Variants in SPAG16 observed in about 807,000 individuals in gnomAD.
SPAG16 encodes the protein sperm associated antigen 16.
A neutral mutation model predicts 80.4 loss-of-function variants in SPAG16; 86 were observed. That is an observed-to-expected ratio of 1.07 (90% CI 0.90 to 1.28). The LOEUF (loss-of-function observed/expected upper bound fraction) is 1.28. SPAG16 is among the 50% of genes most tolerant of loss of function. SPAG16 has a pLI of 0.00. For missense variants in SPAG16, 870 were observed against 765.3 expected (o/e 1.14, Z -1.61); for synonymous variants, 294 against 265.9 (o/e 1.11, Z -1.03).
intron 13 of SPAG16, among the ~76,000 whole-genome samples, chr2:214,026,926 C>G (rs1032204414): frequency 5.9e-5 from 9 of 151,530 alleles, no homozygotes; most frequent in African/African-American, 1.9e-4. Flanking sequence ...CAGCCTTTCC[C>G]CATTTTGACT....
intron 10 of SPAG16, among the ~76,000 whole-genome samples, chr2:213,490,933 T>C (rs1432038231): frequency 6.6e-6 from 1 of 152,188 alleles, no homozygotes; most frequent in Admixed American, 6.5e-5. Flanking sequence ...CTTTAACACA[T>C]ATATTTTACC....
intron 13 of SPAG16, among the ~76,000 whole-genome samples, chr2:214,085,378 CA>C (rs5838406): frequency 0.2 from 23,700 of 119,820 alleles, 1,771 homozygotes; most frequent in Middle Eastern, 0.24. Flanking sequence ...GATTCCACCT[CA>C]AAAAAAAAAA....
intron 10 of SPAG16, among the ~76,000 whole-genome samples, chr2:213,623,613 C>A (rs1024686358): frequency 6.6e-6 from 1 of 151,944 alleles, no homozygotes; most frequent in African/African-American, 2.4e-5. Flanking sequence ...ATTTGAAATA[C>A]CTTGATAAAT....
intron 15 of SPAG16, among the ~76,000 whole-genome samples, chr2:214,256,079 G>A (rs575625194): frequency 6.6e-6 from 1 of 151,972 alleles, no homozygotes; most frequent in East Asian, 1.9e-4. Flanking sequence ...GTAATTTGTA[G>A]AAGTTTCAGT....
intron 15 of SPAG16, among the ~76,000 whole-genome samples, chr2:214,161,004 A>C (rs1435524832): frequency 2.0e-5 from 3 of 152,038 alleles, no homozygotes; most frequent in African/African-American, 7.2e-5. Flanking sequence ...TATTTAGATT[A>C]TATTGAGTCA....
rs565221731 is a variant in SPAG16 at position 213,896,465 on chromosome 2, A to G, written c.1215-33495A>G. On this transcript the variant is annotated intron_variant, in intron 11 of 15. Coordinates refer to ENST00000331683, the MANE Select transcript of SPAG16 (RefSeq NM_024532.5). ...GTATATAATCAAAAGAAAGGAAATC[A>G]GTATATCGAAGAGACATTACACTCT... 2.0e-5 allele frequency among the ~76,000 whole-genome samples: 3 copies of G among 152,034 alleles called. No homozygotes were observed. The East Asian group carries it at 5.8e-4, about 29-fold the overall frequency.
intron 15 of SPAG16, among the ~76,000 whole-genome samples, chr2:214,233,361 T>A (rs1043583886): frequency 6.6e-6 from 1 of 151,594 alleles, no homozygotes; most frequent in African/African-American, 2.4e-5. Flanking sequence ...ATGATGATGA[T>A]GATGATGATG....
chr2:214,270,253 C>A (rs560981600), intron 15 of SPAG16, among the ~76,000 whole-genome samples: 3 of 152,158 alleles, frequency 2.0e-5, no homozygotes, highest in Non-Finnish European at 2.9e-5. Context: ...TCTTAACCAT[C>A]CTGTTAATTT....
chr2:213,421,151 C>T (rs757828854), intron 9 of SPAG16, among the ~76,000 whole-genome samples: 12 of 152,158 alleles, frequency 7.9e-5, no homozygotes, highest in African/African-American at 2.7e-4. Context: ...CATATACTCT[C>T]GGGGTCCCAG....
intron 7 of SPAG16, among the ~76,000 whole-genome samples, chr2:213,355,279 G>C (rs2065573921): frequency 6.6e-6 from 1 of 152,214 alleles, no homozygotes. Context: ...TTGTAGTATA[G>C]TTTGAAGTCA....
chr2:214,086,248 A>G (rs964289910), intron 13 of SPAG16, among the ~76,000 whole-genome samples: 5 of 152,216 alleles, frequency 3.3e-5, no homozygotes, highest in African/African-American at 1.2e-4. Flanking sequence ...GTTGTTACCA[A>G]TTCCAGAGGT....
chr2:214,355,737 G>A (rs75176718), intron 15 of SPAG16, among the ~76,000 whole-genome samples: 103,339 of 151,562 alleles, frequency 0.68, 39,900 homozygotes, highest in South Asian at 0.87. Context: ...TGTTTATTGC[G>A]GCACTATTCA....
At chr2:213,624,807 T>C (rs2125063350) in intron 10 of SPAG16, among the ~76,000 whole-genome samples, 2 of 152,296 alleles carry the variant, frequency 1.3e-5, no homozygotes, top group Middle Eastern at 6.8e-3. Flanking sequence ...TTTGTTTTTT[T>C]TGAGATGGAG....
chr2:213,991,425 T>A (rs1553689313), intron 12 of SPAG16, among the ~76,000 whole-genome samples: 7 of 152,198 alleles, frequency 4.6e-5, no homozygotes. Context: ...GGGTTGGTTC[T>A]AAGTCTTTGC....
At chr2:213,884,839 G>A (rs960114819) in intron 11 of SPAG16, among the ~76,000 whole-genome samples, 1 of 152,164 alleles carries the variant, frequency 6.6e-6, no homozygotes, top group African/African-American at 2.4e-5. Flanking sequence ...AGCTTTAGAA[G>A]TTCAGTTTGG....
At chr2:213,458,313 G>A (rs1290865159) in intron 9 of SPAG16, among the ~76,000 whole-genome samples, 1 of 151,916 alleles carries the variant, frequency 6.6e-6, no homozygotes, top group Non-Finnish European at 1.5e-5. Context: ...CATGCCTGTA[G>A]TCACAGGACT....
chr2:214,111,892 A>G (rs186697654), intron 14 of SPAG16, among the ~76,000 whole-genome samples: 1 of 152,232 alleles, frequency 6.6e-6, no homozygotes, highest in African/African-American at 2.4e-5. Flanking sequence ...AACTATTGTG[A>G]ATGGGAGCTC....
chr2:214,352,849 T>C (rs1475261985), intron 15 of SPAG16, among the ~76,000 whole-genome samples: 1 of 152,132 alleles, frequency 6.6e-6, no homozygotes, highest in African/African-American at 2.4e-5. Context: ...ATACATTTTA[T>C]TTTGTCATTG....
Position 214,183,574 on chromosome 2 carries a change from C to A in SPAG16, c.1720+34308C>A, listed in dbSNP as rs192814004. ...AAAGCAGAAGCTCTTCCAGAAAAAC[C>A]ATAACACACTTTTGTTTATACCTAA... On this transcript the variant is annotated intron_variant, in intron 15 of 15. Coordinates refer to ENST00000331683, the MANE Select transcript of SPAG16 (RefSeq NM_024532.5). 5.0e-3 allele frequency among the ~76,000 whole-genome samples: 760 copies of A among 152,080 alleles called. 5 individuals are homozygous for A. Among genetic ancestry groups the A allele is most frequent in the Non-Finnish European group, 6.2e-3 (421 of 67,954 alleles).
Sources: gnomAD v4.1 joint callset for allele counts (sites outside exome capture counted in the v4.1 genomes callset) on GRCh38, gnomAD v4.1.1 for gene constraint, MANE v1.5 for transcripts, NCBI Gene and HGNC (gene_info 2026-07-23, HGNC 2026-07-21) for gene names.